ZNF469: variants seen among roughly 807,000 people sequenced by gnomAD.
The protein encoded by ZNF469 is zinc finger protein 469.
ZNF469 carries 1 observed loss-of-function variant against 1.0 expected under a neutral mutation model. The ratio of observed to expected loss-of-function variants is 1.00; its 90% CI spans 0.35 to 4.73. The LOEUF (loss-of-function observed/expected upper bound fraction) is 4.73, where lower values mean the gene tolerates loss of function less well. Ranked by LOEUF, ZNF469 falls within the 30% of genes most tolerant of loss-of-function variation. The pLI is 0.16. For synonymous variants in ZNF469, 2,703 were observed against 2,363.4 expected, an observed-to-expected ratio of 1.14 and a Z score of -4.17; for missense variants, 6,100 against 5,356.3, an observed-to-expected ratio of 1.14 and a Z score of -4.33.
rs1480794530 is a variant in ZNF469 at position 88,428,254 on chromosome 16, A to G, written c.784A>G (p.Ser262Gly). The G allele has an allele frequency of 1.3e-6, 2 of 1,550,254 alleles. No homozygotes were observed. Among genetic ancestry groups the G allele is most frequent in the African/African-American group, 2.7e-5 (2 of 73,056 alleles). The change falls in exon 3 of 3, where the codon AGC becomes GGC. Residue 262 changes from serine (S) to glycine (G), a missense_variant. Coordinates refer to ENST00000565624, the MANE Select transcript of ZNF469 (RefSeq NM_001367624.2). ...PAEPEPIPKG[S>G]RPGGSPRGVS... The stretch of plus-strand genomic sequence containing the variant: ...CGAGCCGGAACCTATTCCCAAAGGC[A>G]GCAGGCCCGGCGGCAGCCCCAGGGG...
chr16:88,389,542 C>T (rs1460664427), intron 1 of ZNF469, among the ~76,000 whole-genome samples: 5 of 152,168 alleles, frequency 3.3e-5, no homozygotes, highest in Admixed American at 3.3e-4. Flanking sequence ...AGTGCTTCGT[C>T]CCGTGGCCAC....
At chr16:88,185,471 C>T in the ZNF469 span, among the ~76,000 whole-genome samples, 2 of 135,526 alleles carry the variant, frequency 1.5e-5, no homozygotes, top group Admixed American at 1.4e-4. Flanking sequence ...CCCACACTCA[C>T]ACATTTGCAC....
At chr16:88,383,530 G>A (rs1194994616) in intron 1 of ZNF469, among the ~76,000 whole-genome samples, 14 of 149,864 alleles carry the variant, frequency 9.3e-5, no homozygotes, top group Non-Finnish European at 1.8e-4. Flanking sequence ...CGTTGGCAGC[G>A]CGGGGTCCGG....
chr16:88,301,976 G>A, the ZNF469 span, among the ~76,000 whole-genome samples: 1 of 152,174 alleles, frequency 6.6e-6, no homozygotes, highest in East Asian at 1.9e-4. Flanking sequence ...ACATTGTTGT[G>A]CTCACTATAA....
At chr16:88,350,209 G>T in the ZNF469 span, among the ~76,000 whole-genome samples, 3 of 152,344 alleles carry the variant, frequency 2.0e-5, no homozygotes, top group Admixed American at 2.0e-4. Flanking sequence ...GCTCCAGGCG[G>T]ATCTCCAAAG....
the ZNF469 span, among the ~76,000 whole-genome samples, chr16:88,268,179 G>A: frequency 6.6e-6 from 1 of 152,160 alleles, no homozygotes. Flanking sequence ...TTTTACTTTG[G>A]AAGAATTTTC....
the ZNF469 span, among the ~76,000 whole-genome samples, chr16:88,157,555 G>A: frequency 2.6e-5 from 4 of 152,090 alleles, no homozygotes; most frequent in Non-Finnish European, 4.4e-5. Context: ...TCCACCCTCC[G>A]CCACCCCCTC....
chr16:88,183,284 C>T, the ZNF469 span, among the ~76,000 whole-genome samples: 1 of 152,188 alleles, frequency 6.6e-6, no homozygotes, highest in East Asian at 1.9e-4. Context: ...GTACCCTTAA[C>T]ACGGGCTCCA....
the ZNF469 span, among the ~76,000 whole-genome samples, chr16:88,291,357 T>C: frequency 6.6e-6 from 1 of 152,180 alleles, no homozygotes; most frequent in Non-Finnish European, 1.5e-5. Flanking sequence ...TTGCTGAATT[T>C]TGACCAGAAT....
In ZNF469 at chr16:88,437,987, C is replaced by T. The variant is rs1210517392; in HGVS notation, c.10517C>T (p.Pro3506Leu). Reference sequence around the variant, plus strand: ...CCCATCCTGAGTGAGGGCTCTCTCCCGGCCCTGCTCCACCTGTGTTCGGAG... The same window carrying T: ...CCCATCCTGAGTGAGGGCTCTCTCCTGGCCCTGCTCCACCTGTGTTCGGAG... ...SSPILSEGSL[P>L]ALLHLCSEVA... The change falls in exon 3 of 3, where the codon CCG becomes CTG. Residue 3506 changes from proline to leucine, a missense_variant. Coordinates refer to ENST00000565624, the MANE Select transcript of ZNF469 (RefSeq NM_001367624.2). The T allele has an allele frequency of 2.6e-6, 4 of 1,548,390 alleles. No individual in the cohort carries two copies. The highest frequency in any genetic ancestry group is 1.4e-5 in the African/African-American group (1 of 73,056).
chr16:88,349,383 C>T, the ZNF469 span, among the ~76,000 whole-genome samples: 1 of 151,714 alleles, frequency 6.6e-6, no homozygotes, highest in African/African-American at 2.4e-5. Context: ...ACACACCACA[C>T]ACAAGGGCAC....
intron 1 of ZNF469, among the ~76,000 whole-genome samples, chr16:88,403,948 C>T (rs1207674082): frequency 1.3e-5 from 2 of 152,182 alleles, no homozygotes; most frequent in Non-Finnish European, 2.9e-5. Flanking sequence ...TCTGTGGCTT[C>T]GGGCGGTGCT....
At chr16:88,218,433 G>C in the ZNF469 span, among the ~76,000 whole-genome samples, 2 of 151,226 alleles carry the variant, frequency 1.3e-5, no homozygotes, top group Non-Finnish European at 3.0e-5. Context: ...CTGTGCAGAA[G>C]CTCTTTAGTT....
Position 88,439,230 on chromosome 16 carries a change from C to A in ZNF469, c.11760C>A (p.His3920Gln). ...ACGGTGCTGAACCTGCCGAGCCACA[C>A]ACCCACCGGACGGCCGAGGCCCAGA... is the stretch of plus-strand genomic sequence containing the variant. The part of the protein sequence containing the change: ...AVHGAEPAEP[H>Q]THRTAEAQSD... Residue 3920 changes from histidine to glutamine, a missense_variant, in exon 3 of 3, where the codon CAC (histidine) becomes CAA (glutamine). Transcript: ENST00000565624. 1 of 1,550,504 alleles carries A rather than the reference C, an allele frequency of 6.4e-7. No homozygotes were observed. The highest frequency in any genetic ancestry group is 1.2e-5 in the South Asian group (1 of 84,068).
the ZNF469 span, among the ~76,000 whole-genome samples, chr16:88,181,346 A>G: frequency 2.0e-5 from 3 of 152,340 alleles, no homozygotes; most frequent in African/African-American, 7.2e-5. Context: ...CTGGGATGAC[A>G]GGCGTGAGCC....
At chr16:88,246,975 ATGAG>A in the ZNF469 span, among the ~76,000 whole-genome samples, 714 of 151,174 alleles carry the variant, frequency 4.7e-3, 8 homozygotes, top group African/African-American at 0.016. Context: ...AAGTGAGTGA[ATGAG>A]TGAATGAATG....
the ZNF469 span, among the ~76,000 whole-genome samples, chr16:88,359,116 T>C: frequency 1.3e-5 from 2 of 152,362 alleles, no homozygotes; most frequent in African/African-American, 4.8e-5. Flanking sequence ...TGTGGCAAGT[T>C]ACGCCCCCAC....
chr16:88,414,385 C>G (rs919489064), intron 1 of ZNF469, among the ~76,000 whole-genome samples: 1 of 152,230 alleles, frequency 6.6e-6, no homozygotes, highest in African/African-American at 2.4e-5. Flanking sequence ...TCGGGGGCAC[C>G]TGGAGGAGGC....
the ZNF469 span, among the ~76,000 whole-genome samples, chr16:88,361,001 TAGTA>T: frequency 6.6e-6 from 1 of 152,222 alleles, no homozygotes; most frequent in South Asian, 2.1e-4. Flanking sequence ...TTGCAATATA[TAGTA>T]AGTAATTATA....
Sources: allele counts gnomAD v4.1 joint callset (sites outside exome capture counted in the v4.1 genomes callset), GRCh38; gene constraint gnomAD v4.1.1; transcripts MANE v1.5; gene names NCBI Gene and HGNC (gene_info 2026-07-23, HGNC 2026-07-21).